The following FRMD4B variants were observed in gnomAD, a reference collection of about 807,000 sequenced individuals.
FRMD4B encodes FERM domain-containing protein 4B.
A neutral mutation model predicts 141.5 loss-of-function variants in FRMD4B; 74 were observed. The ratio of observed to expected loss-of-function variants is 0.52; its 90% CI spans 0.43 to 0.63. The LOEUF (loss-of-function observed/expected upper bound fraction) is 0.63, where lower values mean the gene tolerates loss of function less well. Among genes scored for constraint, FRMD4B ranks in the 30% least tolerant of loss-of-function variants. The pLI is 0.00. For missense variants in FRMD4B, 1,366 were observed against 1,253.4 expected (o/e 1.09, Z -1.36); for synonymous variants, 506 against 467.9 (o/e 1.08, Z -1.05).
intron 1 of FRMD4B, among the ~76,000 whole-genome samples, chr3:69,316,347 C>A (rs1701802463): frequency 6.6e-6 from 1 of 152,276 alleles, no homozygotes; most frequent in African/African-American, 2.4e-5. Flanking sequence ...GGGCTTTTTA[C>A]ATGTATTATC....
At chr3:69,474,940 G>T (rs542119636) in intron 1 of FRMD4B, among the ~76,000 whole-genome samples, 1 of 152,278 alleles carries the variant, frequency 6.6e-6, no homozygotes, top group East Asian at 1.9e-4. Flanking sequence ...AATTCTAAAG[G>T]CTTTGGGAAG....
rs1310539227 is a variant in FRMD4B at position 69,241,087 on chromosome 3, A to G, written c.581+8139T>C. ...ACTGAGAACTCAAATGGGTCAAGAGAGTTACTTCCTGTATAGGACTGATCC... is the reference window on the plus strand; with the variant it reads ...ACTGAGAACTCAAATGGGTCAAGAGGGTTACTTCCTGTATAGGACTGATCC... On this transcript the variant is annotated intron_variant, in intron 7 of 22. Transcript: ENST00000398540. Among the ~76,000 whole-genome samples the G allele has an allele frequency of 2.0e-5, 3 of 152,184 alleles. No individual in the cohort carries two copies. The South Asian group carries it at 6.2e-4, about 31-fold the overall frequency.
rs1173295747 is a variant in FRMD4B, at chr3:69,189,971, G to A, written c.1715-19C>T. 3.4e-6 allele frequency: 5 copies of A among 1,484,578 alleles called. No individual in the cohort carries two copies. In the African/African-American group the frequency reaches 6.9e-5, roughly 21 times the overall value. 92.0% of individuals were successfully genotyped at this position (1,484,578 alleles called of 1,614,324 possible). ...ATGTCTTCTGTGAATAAAAATAACT[G>A]CCTTTAGTACAATTGTGCATTTATA... On this transcript the variant is annotated intron_variant, in intron 17 of 22. Coordinates refer to ENST00000398540, the MANE Select transcript of FRMD4B (RefSeq NM_015123.3).
intron 11 of FRMD4B, among the ~76,000 whole-genome samples, chr3:69,212,380 A>AAAAAAAAAAAAAAAAAAAAAAAAAAC (rs1559721543): frequency 1.3e-5 from 1 of 76,688 alleles, no homozygotes; most frequent in Non-Finnish European, 2.5e-5. Context: ...AAAAAAAAAA[A>AAAAAAAAAAAAAAAAAAAAAAAAAAC]GAAAAAAAAA....
chr3:69,378,354 C>A (rs555795324), intron 1 of FRMD4B, among the ~76,000 whole-genome samples: 1 of 152,304 alleles, frequency 6.6e-6, no homozygotes, highest in East Asian at 1.9e-4. Context: ...AAGCATTTAA[C>A]TGCTAGGACC....
chr3:69,426,132 A>G (rs1310065576), intron 2 of FRMD4B, among the ~76,000 whole-genome samples: 1 of 152,264 alleles, frequency 6.6e-6, no homozygotes, highest in Non-Finnish European at 1.5e-5. Context: ...TATCAATAGG[A>G]ATCCAAAGTT....
chr3:69,398,526 A>C (rs1021554999), intron 2 of FRMD4B, among the ~76,000 whole-genome samples: 1 of 152,214 alleles, frequency 6.6e-6, no homozygotes, highest in Admixed American at 6.5e-5. Flanking sequence ...TGCACATACT[A>C]CTTTTTGATT....
chr3:69,355,778 A>C (rs543793440), intron 1 of FRMD4B, among the ~76,000 whole-genome samples: 20 of 152,158 alleles, frequency 1.3e-4, no homozygotes, highest in Non-Finnish European at 2.2e-4. Context: ...TAATCTCAGC[A>C]CTTTGGGAGG....
intron 1 of FRMD4B, among the ~76,000 whole-genome samples, chr3:69,537,682 T>C (rs957231241): frequency 2.6e-5 from 4 of 152,232 alleles, no homozygotes; most frequent in East Asian, 1.9e-4. Flanking sequence ...AGTCCTGATA[T>C]TGACCACGCT....
chr3:69,426,176 G>T (rs1003025670), intron 2 of FRMD4B, among the ~76,000 whole-genome samples: 1 of 152,196 alleles, frequency 6.6e-6, no homozygotes, highest in Non-Finnish European at 1.5e-5. Flanking sequence ...GGAGCTTCTG[G>T]CATATGCTGG....
chr3:69,308,931 A>G (rs929870485), intron 3 of FRMD4B, among the ~76,000 whole-genome samples: 1 of 152,088 alleles, frequency 6.6e-6, no homozygotes, highest in Non-Finnish European at 1.5e-5. Flanking sequence ...TTTCTTGGTC[A>G]TGGCCTTTTA....
At chr3:69,263,809 C>A (rs1462667984) in intron 5 of FRMD4B, among the ~76,000 whole-genome samples, 1 of 145,570 alleles carries the variant, frequency 6.9e-6, no homozygotes, top group African/African-American at 2.5e-5. Flanking sequence ...TGAATGGCAA[C>A]CCCATTCCTT....
At chr3:69,309,722 C>T (rs1334026572) in intron 3 of FRMD4B, among the ~76,000 whole-genome samples, 6 of 150,406 alleles carry the variant, frequency 4.0e-5, no homozygotes, top group African/African-American at 1.5e-4. Flanking sequence ...GCGGGGATTA[C>T]AAGTGTGAAC....
intron 1 of FRMD4B, among the ~76,000 whole-genome samples, chr3:69,449,820 C>T (rs1705467339): frequency 6.6e-6 from 1 of 152,034 alleles, no homozygotes; most frequent in Admixed American, 6.6e-5. Context: ...AACTGTTAGA[C>T]CAATTTTTAA....
intron 1 of FRMD4B, among the ~76,000 whole-genome samples, chr3:69,456,844 A>C (rs1411965991): frequency 2.0e-5 from 3 of 152,018 alleles, no homozygotes; most frequent in Admixed American, 1.3e-4. Flanking sequence ...GAGCACAGCC[A>C]CACTCTTTCT....
rs1447210703 is a variant in FRMD4B, at chr3:69,385,982, G to A, written c.8C>T (p.Ser3Leu). Residue 3 changes from serine (S) to leucine (L), a missense_variant, in exon 1 of 23, where the codon TCG (serine) becomes TTG (leucine). Physicochemically the swap from Ser to Leu is moderately radical, Grantham distance 145 (BLOSUM62 -2). Coordinates refer to ENST00000398540, the MANE Select transcript of FRMD4B (RefSeq NM_015123.3). MA[S>L]VFMCGVEDLL... Reference sequence around the variant, plus strand: ...GTCCTCCACGCCACACATGAACACCGAAGCCATGCCTCCTCCTTCGCTCTG... The same window carrying A: ...GTCCTCCACGCCACACATGAACACCAAAGCCATGCCTCCTCCTTCGCTCTG... The A allele has an allele frequency of 1.3e-6, 2 of 1,591,688 alleles. No homozygotes were observed. Among genetic ancestry groups the A allele is most frequent in the African/African-American group, 1.3e-5 (1 of 74,128 alleles).
chr3:69,389,308 G>A (rs187104760), upstream of FRMD4B, among the ~76,000 whole-genome samples: 43 of 152,318 alleles, frequency 2.8e-4, no homozygotes, highest in Admixed American at 9.1e-4. Context: ...TGGGATTACA[G>A]GCGTGAGCCA....
intron 7 of FRMD4B, among the ~76,000 whole-genome samples, chr3:69,238,553 G>A (rs1369361154): frequency 1.3e-5 from 2 of 152,212 alleles, no homozygotes; most frequent in East Asian, 3.8e-4. Flanking sequence ...GGAGACTGAG[G>A]TGGGCAAACT....
At chr3:69,480,573 G>A (rs58268314) in intron 1 of FRMD4B, among the ~76,000 whole-genome samples, 1 of 151,962 alleles carries the variant, frequency 6.6e-6, no homozygotes, top group South Asian at 2.1e-4. Flanking sequence ...TGGAAGTTTT[G>A]TCTCAGAGGA....
Sources: gnomAD v4.1 joint callset for allele counts (sites outside exome capture counted in the v4.1 genomes callset) on GRCh38, gnomAD v4.1.1 for gene constraint, MANE v1.5 for transcripts, NCBI Gene and HGNC (gene_info 2026-07-23, HGNC 2026-07-21) for gene names.